Variants in AGL observed in about 807,000 individuals in gnomAD.
AGL encodes amylo-alpha-1,6-glucosidase and 4-alpha-glucanotransferase.
Under a neutral mutation model 199.3 loss-of-function variants are expected in AGL, and 128 were observed. The observed-to-expected ratio is 0.64, with a 90% CI of 0.56 to 0.74. AGL has a LOEUF of 0.74. Ranked by LOEUF, AGL falls within the 30% of genes least tolerant of loss-of-function variation. AGL has a pLI of 0.00. For synonymous variants in AGL, 584 were observed against 594.7 expected (o/e 0.98, Z 0.26); for missense variants, 1,809 against 1,820.8 (o/e 0.99, Z 0.12).
rs1240357493 is a variant in AGL at position 99,851,233 on chromosome 1, G to A, written c.82+109G>A. ...TCTAAGATAAATATTATTTCCAAGG[G>A]TCTAAAACTTGATTTGTGCAAAGAT... On this transcript the variant is annotated intron_variant, in intron 2 of 33. Transcript: ENST00000361915. 1.8e-5 allele frequency: 18 copies of A among 1,011,916 alleles called. No homozygotes were observed. In the East Asian group the frequency reaches 3.5e-4, roughly 19 times the overall value. 62.7% of individuals were successfully genotyped at this position (1,011,916 alleles called of 1,614,324 possible).
intron 25 of AGL, among the ~76,000 whole-genome samples, chr1:99,896,934 A>G (rs1653373905): frequency 6.6e-6 from 1 of 152,048 alleles, no homozygotes; most frequent in Non-Finnish European, 1.5e-5. Flanking sequence ...CTGCTGCCTC[A>G]GCCTCCTGAG....
intron 27 of AGL, among the ~76,000 whole-genome samples, chr1:99,903,292 C>T (rs973908654): frequency 1.3e-5 from 2 of 152,158 alleles, no homozygotes; most frequent in African/African-American, 4.8e-5. Flanking sequence ...CCCATCCCCC[C>T]ACTCCACAAC....
intron 5 of AGL, among the ~76,000 whole-genome samples, chr1:99,864,980 G>A (rs554845054): frequency 9.9e-5 from 15 of 152,202 alleles, no homozygotes; most frequent in African/African-American, 3.4e-4. Context: ...CCAGAAATCA[G>A]CAATTCATAA....
At chr1:99,866,964 A>C (rs1413879646) in intron 5 of AGL, among the ~76,000 whole-genome samples, 1 of 151,984 alleles carries the variant, frequency 6.6e-6, no homozygotes, top group Non-Finnish European at 1.5e-5. Flanking sequence ...GATTACAGGC[A>C]TGCACCAACA....
intron 12 of AGL, among the ~76,000 whole-genome samples, chr1:99,878,275 G>A (rs1651717134): frequency 6.6e-6 from 1 of 151,510 alleles, no homozygotes; most frequent in South Asian, 2.1e-4. Flanking sequence ...AACCCAGGAG[G>A]TGGAGGTTGC....
rs114552242 is a variant in AGL at position 99,884,909 on chromosome 1, A to T, written c.2681+206A>T. Among the ~76,000 whole-genome samples the T allele has an allele frequency of 3.1e-3, 468 of 152,292 alleles. 3 individuals are homozygous for T. The highest frequency in any genetic ancestry group is 0.01 in the African/African-American group (434 of 41,556). ...ACCTGCATGTGTATTCTCTCTATAGATATAGATACACACATGCCTACATGC... is the reference window on the plus strand; with the variant it reads ...ACCTGCATGTGTATTCTCTCTATAGTTATAGATACACACATGCCTACATGC... On this transcript the variant is annotated intron_variant, in intron 20 of 33. Transcript: ENST00000361915.
chr1:99,874,567 GAAAT>G (rs1177032803), intron 7 of AGL, 116 bp from the exon 8 acceptor site: 36 of 1,000,784 alleles, frequency 3.6e-5, no homozygotes, highest in Non-Finnish European at 4.5e-5. Flanking sequence ...GGATACCTGT[GAAAT>G]AAATATTTGT....
At chr1:99,908,691 G>A (rs1040589541) in intron 27 of AGL, among the ~76,000 whole-genome samples, 10 of 152,140 alleles carry the variant, frequency 6.6e-5, no homozygotes, top group African/African-American at 2.2e-4. Context: ...GGCCTGACAA[G>A]TAGTTTTTCG....
chr1:99,910,712 GT>G lies in AGL; in HGVS notation c.3705del (p.Phe1235LeufsTer3). On this transcript the variant is annotated frameshift_variant and splice_region_variant, in exon 28 of 34. Coordinates refer to ENST00000361915, the MANE Select transcript of AGL (RefSeq NM_000642.3). LOFTEE classifies it high-confidence loss of function. Reference sequence around the variant, plus strand: ...ATTTTATACACATTTTGTTTTTTAGGTTTTAATATAACTGCAGGAGTTGATG... The same window carrying G: ...ATTTTATACACATTTTGTTTTTTAGGTTTAATATAACTGCAGGAGTTGATG... ...PQIDRNMKDE[G>X]FNITAGVDEE... The G allele has an allele frequency of 6.3e-7, 1 of 1,588,060 alleles. No homozygotes were observed. Among genetic ancestry groups the G allele is most frequent in the South Asian group, 1.1e-5 (1 of 88,982 alleles).
Position 99,880,641 on chromosome 1 carries a change from G to A in AGL, c.1745G>A (p.Ser582Asn), listed in dbSNP as rs769506023. The A allele has an allele frequency of 3.1e-6, 5 of 1,613,936 alleles. No individual in the cohort carries two copies. The South Asian group carries it at 5.5e-5, about 18-fold the overall frequency. ...CTGTAATGCTCTGCAGAGGCAATGA[G>A]TGCATATAATAGTCATGAAGAGGGC... ...GISSLIREAMSAYNSHEEGRL... is the reference protein window; with the variant it reads ...GISSLIREAMNAYNSHEEGRL... The change falls in exon 14 of 34, where the codon AGT becomes AAT. Residue 582 changes from serine to asparagine, a missense_variant. Physicochemically the swap from Ser to Asn is conservative, Grantham distance 46. Transcript: ENST00000361915.
At chr1:99,903,709 A>G (rs1042805167) in intron 27 of AGL, among the ~76,000 whole-genome samples, 6 of 152,224 alleles carry the variant, frequency 3.9e-5, no homozygotes, top group Non-Finnish European at 7.3e-5. Flanking sequence ...AGGAATCGCC[A>G]CACTGACTTC....
At chr1:99,885,402 G>T (rs1456209932) in intron 20 of AGL, among the ~76,000 whole-genome samples, 8 of 152,124 alleles carry the variant, frequency 5.3e-5, no homozygotes, top group African/African-American at 1.4e-4. Flanking sequence ...CTCATAGTTT[G>T]CCATCATTAG....
At chr1:99,891,880 T>C in intron 23 of AGL, 141 bp downstream of exon 23, 1 of 911,282 alleles carries the variant, frequency 1.1e-6, no homozygotes, top group Non-Finnish European at 1.8e-6. Flanking sequence ...AGTAAATTTA[T>C]TAGCATCCTT....
chr1:99,901,382 TA>T (rs58305886), intron 26 of AGL, among the ~76,000 whole-genome samples: 11,418 of 107,674 alleles, frequency 0.11, 603 homozygotes, highest in East Asian at 0.23. Context: ...TCAGTCTCTT[TA>T]AAAAAAAAAA....
At chr1:99,902,910 A>G in intron 27 of AGL, 116 bp downstream of exon 27, 1 of 807,006 alleles carries the variant, frequency 1.2e-6, no homozygotes, top group Admixed American at 2.2e-5. Flanking sequence ...GATTAAAAAG[A>G]TTAACATAGT....
In AGL at chr1:99,884,177, A is replaced by C. The variant is rs145720433; in HGVS notation, c.2366A>C (p.Tyr789Ser). 3.1e-6 allele frequency: 5 copies of C among 1,612,758 alleles called. No individual in the cohort carries two copies. In the Admixed American group the frequency reaches 5.0e-5, roughly 16 times the overall value. ...ACTATTGAGAGAAACACGAAACCTT[A>C]TAGGAAGGATGAGAATTCAATCAAT... Reference protein sequence around the residue: ...ARTIERNTKPYRKDENSINGT... With the variant: ...ARTIERNTKPSRKDENSINGT... The change falls in exon 18 of 34, where the codon TAT becomes TCT. Residue 789 changes from tyrosine to serine, a missense_variant. Coordinates refer to ENST00000361915, the MANE Select transcript of AGL (RefSeq NM_000642.3).
At chr1:99,874,896 A>T (rs1170586725) in intron 8 of AGL, 86 bp downstream of exon 8, 1 of 1,454,180 alleles carries the variant, frequency 6.9e-7, no homozygotes, top group African/African-American at 1.4e-5. Context: ...CTTATTAAAA[A>T]CGCTTAATAG....
intron 24 of AGL, among the ~76,000 whole-genome samples, chr1:99,895,542 C>A (rs956774756): frequency 6.6e-6 from 1 of 152,102 alleles, no homozygotes; most frequent in African/African-American, 2.4e-5. Flanking sequence ...AATTAGGTAT[C>A]ATTAAGGTAA....
rs2101112006 is a variant in AGL, at chr1:99,870,412, A to G, written c.677A>G (p.Lys226Arg). The stretch of plus-strand genomic sequence containing the variant: ...CTTTTTCCTTCAGCTGCTAATAGTA[A>G]ATGGATCCAGGAACATCCAGAATGT... ...VVYNHTAANS[K>R]WIQEHPECAY... The change falls in exon 6 of 34, where the codon AAA becomes AGA. Residue 226 changes from lysine to arginine, a missense_variant. Lys to Arg is a conservative substitution (Grantham distance 26). Transcript: ENST00000361915. 1.2e-6 allele frequency: 2 copies of G among 1,613,960 alleles called. No homozygotes were observed. Among genetic ancestry groups the G allele is most frequent in the Non-Finnish European group, 1.7e-6 (2 of 1,179,902 alleles).
Sources: allele counts gnomAD v4.1 joint callset (sites outside exome capture counted in the v4.1 genomes callset), GRCh38; gene constraint gnomAD v4.1.1; transcripts MANE v1.5; gene names NCBI Gene and HGNC (gene_info 2026-07-23, HGNC 2026-07-21).